The following MARK3 variants were observed in gnomAD, a reference collection of about 807,000 sequenced individuals.
MARK3 encodes the protein microtubule affinity regulating kinase 3, also known as MAP/microtubule affinity-regulating kinase 3.
MARK3 carries 46 observed loss-of-function variants against 90.1 expected under a neutral mutation model. The observed-to-expected ratio is 0.51, with a 90% CI of 0.40 to 0.65. The LOEUF is 0.65. Among genes scored for constraint, MARK3 ranks in the 30% least tolerant of loss-of-function variants. The pLI, the probability that MARK3 is intolerant of heterozygous loss-of-function variation, is 0.00. For missense variants in MARK3, 818 were observed against 947.2 expected (o/e 0.86, Z 1.79); for synonymous variants, 321 against 332.6 (o/e 0.97, Z 0.38).
chr14:103,455,033 TTCCTGGTTTAAAAGTTGAAC>T (rs1375649150), intron 5 of MARK3, among the ~76,000 whole-genome samples: 1 of 152,236 alleles, frequency 6.6e-6, no homozygotes, highest in Admixed American at 6.5e-5. Context: ...CTGGATTGAA[TTCCTGGTTTAAAAGTTGAAC>T]TCCTGAATTA....
chr14:103,407,380 T>C (rs912141136), intron 2 of MARK3, among the ~76,000 whole-genome samples: 1 of 152,112 alleles, frequency 6.6e-6, no homozygotes, highest in Admixed American at 6.5e-5. Flanking sequence ...TCTCTACTTT[T>C]CTCATAGCGT....
At chr14:103,396,585 C>G (rs2090594936) in intron 1 of MARK3, among the ~76,000 whole-genome samples, 1 of 152,008 alleles carries the variant, frequency 6.6e-6, no homozygotes, top group African/African-American at 2.4e-5. Flanking sequence ...TTATAAATAA[C>G]AAACTAAGAT....
chr14:103,456,628 G>GC (rs1030540551), intron 5 of MARK3, among the ~76,000 whole-genome samples: 7 of 151,982 alleles, frequency 4.6e-5, no homozygotes. Context: ...TTCATTTATT[G>GC]CCCCCTCCCC....
Position 103,503,449 on chromosome 14 carries a change from C to T in MARK3, c.*222C>T. On this transcript the variant is annotated 3_prime_UTR_variant, in exon 18 of 18. Transcript: ENST00000429436. The stretch of plus-strand genomic sequence containing the variant: ...TGCGCCCCCTGCCCTACTTCCGTTA[C>T]CCTGAGAGTCGGTGTGTGGCCCCAT... 1.8e-6 allele frequency: 1 copy of T among 551,786 alleles called. No individual in the cohort carries two copies. Among genetic ancestry groups the T allele is most frequent in the Non-Finnish European group, 3.2e-6 (1 of 312,362 alleles). The allele number at this position is 551,786 out of a possible 1,614,324, so 34.2% of individuals were successfully genotyped here. A position where few individuals can be genotyped will look rare whatever the true frequency, so the allele number is the denominator to read the frequency against.
At chr14:103,397,079 A>T (rs1429665941) in intron 1 of MARK3, among the ~76,000 whole-genome samples, 1 of 152,162 alleles carries the variant, frequency 6.6e-6, no homozygotes, top group South Asian at 2.1e-4. Context: ...ACATTTTTTA[A>T]TGGAGCTACT....
intron 1 of MARK3, among the ~76,000 whole-genome samples, chr14:103,397,365 C>T (rs565911061): frequency 4.5e-4 from 64 of 143,748 alleles, no homozygotes; most frequent in African/African-American, 1.6e-3. Context: ...CTCACTCTGT[C>T]ACCCAGACTG....
chr14:103,473,934 T>C (rs898811853), intron 12 of MARK3, among the ~76,000 whole-genome samples: 2 of 151,542 alleles, frequency 1.3e-5, no homozygotes, highest in African/African-American at 4.9e-5. Context: ...CAGTAGCTCA[T>C]GCCTGTAATC....
intron 1 of MARK3, among the ~76,000 whole-genome samples, chr14:103,400,752 C>T (rs903724408): frequency 6.6e-6 from 1 of 151,544 alleles, no homozygotes; most frequent in African/African-American, 2.4e-5. Context: ...AAACATCAGC[C>T]ATGTGTGGTG....
chr14:103,445,422 GTATC>G (rs2092970056), intron 3 of MARK3, among the ~76,000 whole-genome samples: 2 of 152,152 alleles, frequency 1.3e-5, no homozygotes, highest in Admixed American at 6.5e-5. Context: ...CTGCCTGCCA[GTATC>G]TACCTAATAC....
At chr14:103,466,956 A>G (rs561987201) in intron 10 of MARK3, 123 bp from the exon 11 acceptor site, 16 of 486,396 alleles carry the variant, frequency 3.3e-5, no homozygotes, top group African/African-American at 3.2e-4. Flanking sequence ...GTGAGCCAAG[A>G]TCGCGCCATT....
At chr14:103,387,810 G>A (rs945569461) in intron 1 of MARK3, among the ~76,000 whole-genome samples, 1 of 152,058 alleles carries the variant, frequency 6.6e-6, no homozygotes, top group South Asian at 2.1e-4. Context: ...TTTGATCATT[G>A]ATCTTCACTC....
chr14:103,456,644 A>G (rs2093284317), intron 5 of MARK3, among the ~76,000 whole-genome samples: 1 of 152,160 alleles, frequency 6.6e-6, no homozygotes. Context: ...TCCCCCAACT[A>G]GAATGTAAAC....
chr14:103,426,891 TA>T (rs59517015), intron 2 of MARK3, among the ~76,000 whole-genome samples: 51,115 of 149,054 alleles, frequency 0.34, 9,154 homozygotes, highest in East Asian at 0.52. Context: ...CTTTTCTATT[TA>T]AAAAAAAAAA....
chr14:103,444,869 A>G (rs919852438), intron 3 of MARK3, among the ~76,000 whole-genome samples: 2 of 152,208 alleles, frequency 1.3e-5, no homozygotes, highest in African/African-American at 4.8e-5. Flanking sequence ...TAGTCCTTAT[A>G]GGGACTTTCC....
At chr14:103,496,342 A>G (rs2075337634) in intron 15 of MARK3, among the ~76,000 whole-genome samples, 1 of 151,838 alleles carries the variant, frequency 6.6e-6, no homozygotes, top group Non-Finnish European at 1.5e-5. Flanking sequence ...GCACTTTGGG[A>G]GGCTGAGCCA....
intron 2 of MARK3, among the ~76,000 whole-genome samples, chr14:103,420,164 A>C (rs1390342374): frequency 1.3e-5 from 2 of 152,192 alleles, no homozygotes; most frequent in Admixed American, 6.5e-5. Context: ...GTTAATGTGC[A>C]GGAAAAAAGC....
intron 2 of MARK3, among the ~76,000 whole-genome samples, chr14:103,421,619 A>G (rs1250776021): frequency 1.3e-5 from 2 of 152,060 alleles, no homozygotes; most frequent in East Asian, 3.9e-4. Flanking sequence ...GTTATTTTCT[A>G]TGGACAGTTG....
chr14:103,433,927 A>AGGTAAGAG (rs1274565540), intron 3 of MARK3, among the ~76,000 whole-genome samples: 1 of 152,130 alleles, frequency 6.6e-6, no homozygotes, highest in Non-Finnish European at 1.5e-5. Context: ...GCTTTCACCT[A>AGGTAAGAG]GGTAAGAGTG....
At chr14:103,496,883 C>CCTTTTTTTTTTTTTTTTTTTTTTTTTTT (rs2075372830) in intron 15 of MARK3, among the ~76,000 whole-genome samples, 1 of 151,970 alleles carries the variant, frequency 6.6e-6, no homozygotes, top group African/African-American at 2.4e-5. Flanking sequence ...TCTACAAAAA[C>CCTTTTTTTTTTTTTTTTTTTTTTTTTTT]ATTTTTTAAT....
Sources: allele counts gnomAD v4.1 joint callset (sites outside exome capture counted in the v4.1 genomes callset), GRCh38; gene constraint gnomAD v4.1.1; transcripts MANE v1.5; gene names NCBI Gene and HGNC (gene_info 2026-07-23, HGNC 2026-07-21).